Variants in PALLD observed in about 807,000 individuals in gnomAD.
The protein encoded by PALLD is palladin.
Under a neutral mutation model 123.5 loss-of-function variants are expected in PALLD, and 61 were observed. That is an observed-to-expected ratio of 0.49 (90% CI 0.40 to 0.61). The LOEUF (loss-of-function observed/expected upper bound fraction) is 0.61. Ranked by LOEUF, PALLD falls within the 20% of genes least tolerant of loss-of-function variation. The pLI is 0.00. For synonymous variants in PALLD, 465 were observed against 496.4 expected, an observed-to-expected ratio of 0.94 and a Z score of 0.84; for missense variants, 1,273 against 1,377.0, an observed-to-expected ratio of 0.92 and a Z score of 1.20.
intron 2 of PALLD, among the ~76,000 whole-genome samples, chr4:168,606,046 C>CTTAT: frequency 6.6e-6 from 1 of 152,202 alleles, no homozygotes; most frequent in South Asian, 2.1e-4. Flanking sequence ...CTTGTATTAA[C>CTTAT]TTATATTCCT....
intron 10 of PALLD, among the ~76,000 whole-genome samples, chr4:168,759,772 C>T (rs909827556): frequency 6.6e-6 from 1 of 152,050 alleles, no homozygotes; most frequent in African/African-American, 2.4e-5. Flanking sequence ...AGAGTATTTC[C>T]TGCTGGGCAT....
intron 3 of PALLD, among the ~76,000 whole-genome samples, chr4:168,673,245 C>T (rs780971753): frequency 2.6e-5 from 4 of 152,200 alleles, no homozygotes; most frequent in African/African-American, 4.8e-5. Context: ...GGCATTCCAG[C>T]AGCAGCAAGT....
chr4:168,623,342 A>G (rs1352369341), intron 2 of PALLD, among the ~76,000 whole-genome samples: 1 of 152,220 alleles, frequency 6.6e-6, no homozygotes, highest in African/African-American at 2.4e-5. Context: ...AATAACAGGG[A>G]TTCCTGAAAT....
At chr4:168,586,200 C>A (rs1195276833) in intron 2 of PALLD, among the ~76,000 whole-genome samples, 12 of 142,026 alleles carry the variant, frequency 8.4e-5, no homozygotes, top group Admixed American at 7.7e-4. Context: ...CAGTGCCTAT[C>A]AAGCTACTAC....
At chr4:168,644,665 G>A (rs1777267998) in intron 2 of PALLD, among the ~76,000 whole-genome samples, 1 of 152,180 alleles carries the variant, frequency 6.6e-6, no homozygotes, top group East Asian at 1.9e-4. Flanking sequence ...CCAAAAGTGT[G>A]GTTCTCATCC....
At chr4:168,582,211 A>T (rs1157255507) in intron 2 of PALLD, among the ~76,000 whole-genome samples, 3 of 152,058 alleles carry the variant, frequency 2.0e-5, no homozygotes, top group African/African-American at 7.2e-5. Context: ...ATGTCTTCTT[A>T]GGTATTTTAT....
At position 168,894,659 on chromosome 4, in the gene PALLD, A is replaced by G. The variant is rs1754735656; in HGVS notation, c.2181A>G (p.Glu727=). 6.2e-7 allele frequency: 1 copy of G among 1,613,638 alleles called. No homozygotes were observed. Among genetic ancestry groups the G allele is most frequent in the African/African-American group, 1.3e-5 (1 of 75,054 alleles). ...CTGTCTTTAATATTCAGGAGCCAGA[A>G]GAGGAAACAGCTAATCAGGTACCAT... The part of the protein sequence containing the change: ...SATVFNIQEP[E]EETANQDIGS... The change falls in exon 12 of 22, where the codon GAA becomes GAG. Residue 727 remains glutamate (E), a synonymous_variant. Transcript: ENST00000505667.
intron 2 of PALLD, among the ~76,000 whole-genome samples, chr4:168,602,695 G>A (rs1032040209): frequency 3.9e-5 from 6 of 152,186 alleles, no homozygotes; most frequent in African/African-American, 1.2e-4. Context: ...GTAAGGGACT[G>A]TTAGTATCCA....
chr4:168,692,347 C>T lies in PALLD; in HGVS notation c.1501+1055C>T, dbSNP rs138266753. ...ACAACTGGAATTGATCTGCTGCCCT[C>T]CTGTCATGAATTATAAGCAGAGCAA... On this transcript the variant is annotated intron_variant, in intron 8 of 21. Coordinates refer to ENST00000505667, the MANE Select transcript of PALLD (RefSeq NM_001166108.2). Among the ~76,000 whole-genome samples the T allele has an allele frequency of 1.4e-4, 22 of 152,328 alleles. No homozygotes were observed. The East Asian group carries it at 3.9e-3, about 27-fold the overall frequency.
intron 10 of PALLD, among the ~76,000 whole-genome samples, chr4:168,755,185 A>G (rs1214117853): frequency 6.8e-6 from 1 of 146,596 alleles, no homozygotes; most frequent in Admixed American, 6.9e-5. Flanking sequence ...GTGAGCCGAG[A>G]TTGCACCACT....
At chr4:168,720,316 TC>T (rs1785870053) in intron 10 of PALLD, among the ~76,000 whole-genome samples, 3 of 152,212 alleles carry the variant, frequency 2.0e-5, no homozygotes. Context: ...GAAAGATACA[TC>T]ATTCAGTTTT....
chr4:168,681,971 G>A (rs559181970), intron 4 of PALLD, among the ~76,000 whole-genome samples: 4 of 152,262 alleles, frequency 2.6e-5, no homozygotes, highest in African/African-American at 4.8e-5. Context: ...TATTATAAAT[G>A]TATGGAAAGA....
chr4:168,698,301 G>A (rs1426493636), intron 8 of PALLD, among the ~76,000 whole-genome samples: 1 of 151,960 alleles, frequency 6.6e-6, no homozygotes, highest in Non-Finnish European at 1.5e-5. Context: ...AGCACAACAG[G>A]GTGACTGTAG....
chr4:168,683,147 C>G (rs751337835), intron 5 of PALLD, 44 bp downstream of exon 5: 2 of 1,076,980 alleles, frequency 1.9e-6, no homozygotes, highest in Non-Finnish European at 2.9e-6. Flanking sequence ...TCGAACTCAT[C>G]AGCAAACTTG....
chr4:168,662,482 G>C (rs977239868), intron 2 of PALLD, among the ~76,000 whole-genome samples: 1 of 152,254 alleles, frequency 6.6e-6, no homozygotes, highest in South Asian at 2.1e-4. Flanking sequence ...CAGACATTCT[G>C]TCTCACTAGC....
At chr4:168,593,962 T>C (rs1771718865) in intron 2 of PALLD, among the ~76,000 whole-genome samples, 1 of 152,254 alleles carries the variant, frequency 6.6e-6, no homozygotes, top group Non-Finnish European at 1.5e-5. Context: ...GATGAGTTTA[T>C]TGGAGGCTTA....
At chr4:168,616,905 G>A (rs1416177987) in intron 2 of PALLD, among the ~76,000 whole-genome samples, 2 of 152,106 alleles carry the variant, frequency 1.3e-5, no homozygotes, top group Non-Finnish European at 2.9e-5. Context: ...AAGTAATAGA[G>A]CCCCTAAGTC....
At chr4:168,691,414 C>T (rs1782618028) in intron 8 of PALLD, 122 bp downstream of exon 8, 1 of 796,902 alleles carries the variant, frequency 1.3e-6, no homozygotes, top group Non-Finnish European at 2.1e-6. Context: ...TTTGTGGCTC[C>T]CTGGAAATGT....
intron 2 of PALLD, among the ~76,000 whole-genome samples, chr4:168,522,024 G>T (rs956410581): frequency 3.3e-5 from 5 of 152,158 alleles, no homozygotes; most frequent in Non-Finnish European, 7.3e-5. Context: ...AAATGTAGAA[G>T]CTGTGAAGGT....
Sources: gnomAD v4.1 joint callset for allele counts (sites outside exome capture counted in the v4.1 genomes callset) on GRCh38, gnomAD v4.1.1 for gene constraint, MANE v1.5 for transcripts, NCBI Gene and HGNC (gene_info 2026-07-23, HGNC 2026-07-21) for gene names.